SLC9C2: variants seen among roughly 807,000 people sequenced by gnomAD.
SLC9C2 encodes sodium/hydrogen exchanger 11.
A neutral mutation model predicts 140.2 loss-of-function variants in SLC9C2; 75 were observed. That is an observed-to-expected ratio of 0.53 (90% CI 0.44 to 0.65). The LOEUF (loss-of-function observed/expected upper bound fraction) is 0.65, where lower values mean the gene tolerates loss of function less well. Among genes scored for constraint, SLC9C2 ranks in the 30% least tolerant of loss-of-function variants. The pLI is 0.00. For missense variants in SLC9C2, 1,074 were observed against 1,331.8 expected (o/e 0.81, Z 3.01); for synonymous variants, 375 against 420.9 (o/e 0.89, Z 1.34).
intron 5 of SLC9C2, among the ~76,000 whole-genome samples, chr1:173,586,792 C>T (rs1327660751): frequency 6.6e-6 from 1 of 152,124 alleles, no homozygotes; most frequent in African/African-American, 2.4e-5. Context: ...GAAAACCAAA[C>T]ACCACATGTT....
intron 27 of SLC9C2, among the ~76,000 whole-genome samples, chr1:173,502,001 C>T (rs149100594): frequency 1.5e-4 from 23 of 152,124 alleles, no homozygotes; most frequent in African/African-American, 4.3e-4. Flanking sequence ...TGGCTGGGCG[C>T]GGTGGCTCAC....
intron 4 of SLC9C2, among the ~76,000 whole-genome samples, chr1:173,597,443 A>C (rs558032649): frequency 1.1e-4 from 16 of 152,260 alleles, no homozygotes; most frequent in South Asian, 2.1e-4. Flanking sequence ...GAACAGAATA[A>C]AACCAAAATA....
intron 11 of SLC9C2, 152 bp from the exon 12 acceptor site, chr1:173,548,704 C>G: frequency 1.4e-6 from 1 of 730,624 alleles, no homozygotes; most frequent in Non-Finnish European, 2.2e-6. Context: ...CAAAACTTTC[C>G]AGAAGATTAC....
At chr1:173,532,279 C>T (rs1321419100) in intron 17 of SLC9C2, among the ~76,000 whole-genome samples, 1 of 152,082 alleles carries the variant, frequency 6.6e-6, no homozygotes, top group Non-Finnish European at 1.5e-5. Flanking sequence ...CTGTATCTAA[C>T]TTCAATAAAT....
intron 6 of SLC9C2, 29 bp from the exon 7 acceptor site, chr1:173,582,037 T>G (rs1304913078): frequency 3.4e-6 from 5 of 1,454,176 alleles, no homozygotes; most frequent in Non-Finnish European, 4.6e-6. Flanking sequence ...AAATAAGAAA[T>G]AAAAACTTGA....
chr1:173,573,094 C>G lies in SLC9C2; in HGVS notation c.1046+88G>C, dbSNP rs184436228. On this transcript the variant is annotated intron_variant, in intron 9 of 27. Coordinates refer to ENST00000367714, the MANE Select transcript of SLC9C2 (RefSeq NM_178527.4). ...GTTTCCTGGCTCCATGTCCAGAGCC[C>G]TTTTTGCTGTATGCCACTGCTTCCT... 2.4e-4 allele frequency: 236 copies of G among 970,026 alleles called. 2 individuals carry two copies. In the African/African-American group the frequency reaches 3.5e-3, roughly 14 times the overall value. The allele number at this position is 970,026 out of a possible 1,614,324, so 60.1% of individuals were successfully genotyped here.
intron 19 of SLC9C2, among the ~76,000 whole-genome samples, chr1:173,526,159 T>C (rs531131858): frequency 3.7e-4 from 56 of 152,254 alleles, no homozygotes; most frequent in African/African-American, 1.2e-3. Flanking sequence ...CAAAAAAACT[T>C]GGCATAAAAT....
intron 19 of SLC9C2, among the ~76,000 whole-genome samples, chr1:173,525,300 T>C (rs1457698964): frequency 1.3e-5 from 2 of 152,216 alleles, no homozygotes; most frequent in South Asian, 2.1e-4. Context: ...AAAGTACCCC[T>C]GGACTTTGGC....
chr1:173,584,300 GATACATAGAAACCAAAA>G lies in SLC9C2; in HGVS notation c.524-695_524-679del, dbSNP rs376725145. ...TTACATGAAATGTCCGTGATAGACA[GATACATAGAAACCAAAA>G]ATAGATTGGTTGTGATTTCCAGAGG... On this transcript the variant is annotated intron_variant, in intron 5 of 27. Transcript: ENST00000367714. Among the ~76,000 whole-genome samples the G allele has an allele frequency of 1.2e-4, 19 of 152,240 alleles. 1 individual carries two copies. Among genetic ancestry groups the G allele is most frequent in the African/African-American group, 4.6e-4 (19 of 41,572 alleles).
intron 17 of SLC9C2, among the ~76,000 whole-genome samples, chr1:173,531,868 C>G (rs1266472253): frequency 6.6e-6 from 1 of 152,140 alleles, no homozygotes; most frequent in Non-Finnish European, 1.5e-5. Flanking sequence ...TGTATAAATA[C>G]TGATTACCTA....
chr1:173,542,219 C>A (rs12029202), intron 13 of SLC9C2, among the ~76,000 whole-genome samples: 17 of 151,820 alleles, frequency 1.1e-4, no homozygotes, highest in Admixed American at 1.1e-3. Flanking sequence ...CATCAGAGAA[C>A]ACTATAAACA....
chr1:173,595,124 T>C (rs934879042), intron 4 of SLC9C2, among the ~76,000 whole-genome samples: 7 of 152,140 alleles, frequency 4.6e-5, no homozygotes, highest in African/African-American at 1.7e-4. Context: ...GTAATCTGCC[T>C]GCCTTGGCCT....
At chr1:173,597,314 G>A (rs1200086201) in intron 4 of SLC9C2, among the ~76,000 whole-genome samples, 2 of 151,864 alleles carry the variant, frequency 1.3e-5, no homozygotes, top group African/African-American at 4.8e-5. Context: ...ATGGTGATGA[G>A]TACACTAAAA....
intron 4 of SLC9C2, among the ~76,000 whole-genome samples, chr1:173,588,511 T>C (rs1024925803): frequency 2.0e-5 from 3 of 152,236 alleles, no homozygotes; most frequent in Admixed American, 1.3e-4. Flanking sequence ...TTTTATTTCT[T>C]TATCTATTGT....
Position 173,506,897 on chromosome 1 carries a change from G to T in SLC9C2, c.3184C>A (p.Pro1062Thr), listed in dbSNP as rs1659678360. The change falls in exon 25 of 28, where the codon CCA becomes ACA. Residue 1062 changes from proline (P) to threonine (T), a missense_variant. By Grantham distance (38) the Pro-to-Thr change is conservative (BLOSUM62 -1). Transcript: ENST00000367714. ...GSVIDTKTEE[P>T]YFAPCIIPTT... ...GGTATAATGCAAGGTGCAAAATATG[G>T]TTCCTCTGTCTTAGTATCAATTACA... 3 of 1,613,368 alleles carry T rather than the reference G, an allele frequency of 1.9e-6. No homozygotes were observed. The highest frequency in any genetic ancestry group is 2.5e-6 in the Non-Finnish European group (3 of 1,179,830).
intron 27 of SLC9C2, among the ~76,000 whole-genome samples, chr1:173,502,188 G>A (rs1659324205): frequency 7.0e-6 from 1 of 143,816 alleles, no homozygotes; most frequent in Non-Finnish European, 1.5e-5. Flanking sequence ...CAGGAGAATC[G>A]CTTGAATCCA....
intron 22 of SLC9C2, among the ~76,000 whole-genome samples, chr1:173,518,601 AG>A (rs1369838590): frequency 6.6e-6 from 1 of 152,190 alleles, no homozygotes; most frequent in Non-Finnish European, 1.5e-5. Context: ...ATCAGATTTT[AG>A]GGGGAAGCTG....
intron 17 of SLC9C2, among the ~76,000 whole-genome samples, chr1:173,530,513 T>C (rs1344122638): frequency 1.3e-5 from 2 of 152,172 alleles, no homozygotes; most frequent in Admixed American, 1.3e-4. Context: ...TCTAAGATCC[T>C]GCTTAGTTTT....
At chr1:173,561,233 C>T (rs1484058228) in intron 9 of SLC9C2, among the ~76,000 whole-genome samples, 1 of 152,070 alleles carries the variant, frequency 6.6e-6, no homozygotes, top group Non-Finnish European at 1.5e-5. Context: ...TCTCTGTGAA[C>T]CTTGAGACTT....
Sources: allele counts gnomAD v4.1 joint callset (sites outside exome capture counted in the v4.1 genomes callset), GRCh38; gene constraint gnomAD v4.1.1; transcripts MANE v1.5; gene names NCBI Gene and HGNC (gene_info 2026-07-23, HGNC 2026-07-21).